ACSS3: variants seen among roughly 807,000 people sequenced by gnomAD.
ACSS3 encodes the protein acyl-CoA synthetase short-chain family member 3, mitochondrial.
A neutral mutation model predicts 84.2 loss-of-function variants in ACSS3; 64 were observed. The observed-to-expected ratio is 0.76, with a 90% CI of 0.62 to 0.94. The LOEUF is 0.94. ACSS3 is among the 40% of genes least tolerant of loss of function. The probability of loss-of-function intolerance (pLI) is 0.00; values close to 1 mark genes in which losing one functional copy is unlikely to be tolerated. For missense variants in ACSS3, 815 were observed against 867.6 expected (o/e 0.94, Z 0.76); for synonymous variants, 317 against 310.1 (o/e 1.02, Z -0.23).
rs1052171380 is a variant in ACSS3 at position 81,143,333 on chromosome 12, A to T, written c.921+86A>T. The stretch of plus-strand genomic sequence containing the variant: ...TTGATCACTGACTGGAAATGTTTGC[A>T]GACTTTACTTTGAAGTTTAGAGAGT... On this transcript the variant is annotated intron_variant, in intron 5 of 15. Coordinates refer to ENST00000548058, the MANE Select transcript of ACSS3 (RefSeq NM_024560.4). The T allele has an allele frequency of 1.2e-5, 16 of 1,336,274 alleles. No individual in the cohort carries two copies. In the African/African-American group the frequency reaches 2.2e-4, roughly 18 times the overall value. The allele number at this position is 1,336,274 out of a possible 1,614,324, so 82.8% of individuals were successfully genotyped here.
At chr12:81,187,781 A>C (rs1178531922) in intron 8 of ACSS3, among the ~76,000 whole-genome samples, 1 of 151,976 alleles carries the variant, frequency 6.6e-6, no homozygotes, top group Non-Finnish European at 1.5e-5. Flanking sequence ...TAGAATAAAA[A>C]TTTTAGTTTA....
chr12:81,210,949 A>T (rs967818502), intron 9 of ACSS3, among the ~76,000 whole-genome samples: 5 of 152,052 alleles, frequency 3.3e-5, no homozygotes, highest in African/African-American at 1.2e-4. Flanking sequence ...ATGGAATTTT[A>T]ATTCATTTTT....
Position 81,253,512 on chromosome 12 carries a change from G to C in ACSS3, c.1837G>C (p.Glu613Gln), listed in dbSNP as rs2034215615. The part of the protein sequence containing the change: ...VLRKDINATE[E>Q]QVLEEIVKHV... ...CTCTCTAGATATAAATGCAACAGAG[G>C]AGCAAGTTTTGGAAGAAATTGTGAA... The change falls in exon 15 of 16, where the codon GAG becomes CAG. Residue 613 changes from glutamate (E) to glutamine (Q), a missense_variant. Physicochemically the swap from Glu to Gln is conservative, Grantham distance 29. Coordinates refer to ENST00000548058, the MANE Select transcript of ACSS3 (RefSeq NM_024560.4). The C allele has an allele frequency of 6.2e-7, 1 of 1,613,818 alleles. No individual in the cohort carries two copies. The highest frequency in any genetic ancestry group is 1.7e-5 in the Admixed American group (1 of 59,956).
intron 11 of ACSS3, among the ~76,000 whole-genome samples, chr12:81,221,513 C>T (rs573481628): frequency 3.9e-5 from 6 of 152,092 alleles, no homozygotes; most frequent in African/African-American, 1.2e-4. Context: ...ATATAGAAAG[C>T]TAATAGAAAG....
In ACSS3 at chr12:81,109,681, AC is replaced by A; in HGVS notation, c.435del (p.Tyr146IlefsTer32). The A allele has an allele frequency of 6.2e-7, 1 of 1,604,020 alleles. No individual in the cohort carries two copies. Among genetic ancestry groups the A allele is most frequent in the Non-Finnish European group, 8.5e-7 (1 of 1,176,300 alleles). Reference sequence around the variant, plus strand: ...TGTTACAAACACTAAAGCAACCTTTACCTATAAAGAAGTTCTGGAGCAGGTA... The same window carrying A: ...TGTTACAAACACTAAAGCAACCTTTACTATAAAGAAGTTCTGGAGCAGGTA... The part of the protein sequence containing the change: ...SPVTNTKATF[T>X]YKEVLEQVSK... On this transcript the variant is annotated frameshift_variant, in exon 2 of 16. Coordinates refer to ENST00000548058, the MANE Select transcript of ACSS3 (RefSeq NM_024560.4). LOFTEE classifies it high-confidence loss of function.
intron 9 of ACSS3, among the ~76,000 whole-genome samples, chr12:81,212,667 C>T (rs543353881): frequency 6.6e-6 from 1 of 152,112 alleles, no homozygotes; most frequent in Non-Finnish European, 1.5e-5. Flanking sequence ...AAGCACTCGA[C>T]TCTTGGTATA....
chr12:81,254,907 G>T lies in ACSS3; in HGVS notation c.2046G>T (p.Met682Ile). ...GCATTTTTGGCCACGTAGAAGAAAT[G>T]CTGAAGCAAGCATAATGAGTTTGTC... ...DPSIFGHVEE[M>I]LKQA Residue 682 changes from methionine (M) to isoleucine (I), a missense_variant, in exon 16 of 16, where the codon ATG becomes ATT. Physicochemically the swap from Met to Ile is conservative, Grantham distance 10 (BLOSUM62 1). Coordinates refer to ENST00000548058, the MANE Select transcript of ACSS3 (RefSeq NM_024560.4). 6.2e-7 allele frequency: 1 copy of T among 1,605,482 alleles called. No individual in the cohort carries two copies. The highest frequency in any genetic ancestry group is 2.3e-5 in the East Asian group (1 of 44,398).
chr12:81,090,067 G>A (rs890341131), intron 1 of ACSS3, among the ~76,000 whole-genome samples: 1 of 151,974 alleles, frequency 6.6e-6, no homozygotes, highest in African/African-American at 2.4e-5. Flanking sequence ...TCTTAAAAAT[G>A]TTAATCGGGA....
chr12:81,176,197 C>A (rs2030464800), intron 8 of ACSS3, among the ~76,000 whole-genome samples: 3 of 152,038 alleles, frequency 2.0e-5, no homozygotes, highest in Non-Finnish European at 2.9e-5. Flanking sequence ...TGTAAAAAAT[C>A]CTGAGACAAT....
In ACSS3 at chr12:81,212,241, A is replaced by T. The variant is rs543875116; in HGVS notation, c.1355-4660A>T. 3.3e-5 allele frequency among the ~76,000 whole-genome samples: 5 copies of T among 152,326 alleles called. No homozygotes were observed. In the East Asian group the frequency reaches 7.7e-4, roughly 23 times the overall value. On this transcript the variant is annotated intron_variant, in intron 9 of 15. Coordinates refer to ENST00000548058, the MANE Select transcript of ACSS3 (RefSeq NM_024560.4). ...CCCAGTTAGAAATTGGGAGGTCTCC[A>T]TGCGGGTAGAAATTTTGGCTACTTT...
intron 9 of ACSS3, among the ~76,000 whole-genome samples, chr12:81,215,924 T>C (rs2032895457): frequency 6.6e-6 from 1 of 152,140 alleles, no homozygotes; most frequent in Non-Finnish European, 1.5e-5. Context: ...CATTGCAGGC[T>C]AGTTGTGAGA....
chr12:81,214,134 T>C (rs1593205800), intron 9 of ACSS3, among the ~76,000 whole-genome samples: 1 of 151,648 alleles, frequency 6.6e-6, no homozygotes, highest in Non-Finnish European at 1.5e-5. Flanking sequence ...CAAGCAATTC[T>C]CCTGCCTCAG....
chr12:81,155,643 A>G (rs1401897218), intron 7 of ACSS3, among the ~76,000 whole-genome samples: 2 of 152,170 alleles, frequency 1.3e-5, no homozygotes, highest in African/African-American at 2.4e-5. Flanking sequence ...TGTTGAATCT[A>G]CTTATTCAGT....
chr12:81,234,378 T>G (rs2033562938), intron 13 of ACSS3, among the ~76,000 whole-genome samples: 2 of 151,416 alleles, frequency 1.3e-5, no homozygotes, highest in South Asian at 4.1e-4. Context: ...CAGGTGTTTG[T>G]GTAAAAAAAT....
chr12:81,190,823 CT>C (rs1453258006), intron 8 of ACSS3, among the ~76,000 whole-genome samples: 1 of 151,952 alleles, frequency 6.6e-6, no homozygotes, highest in African/African-American at 2.4e-5. Flanking sequence ...TATGTTTTTT[CT>C]TCATCTTCTG....
chr12:81,145,028 G>C (rs1358045772), intron 5 of ACSS3, among the ~76,000 whole-genome samples: 1 of 146,756 alleles, frequency 6.8e-6, no homozygotes, highest in Admixed American at 6.8e-5. Flanking sequence ...AGCCCCCCGA[G>C]TAGCTGGGAC....
Position 81,254,897 on chromosome 12 carries a change from T to C in ACSS3, c.2036T>C (p.Val679Ala), listed in dbSNP as rs1281040166. The change falls in exon 16 of 16, where the codon GTA (valine) becomes GCA (alanine). Residue 679 changes from valine (V) to alanine (A), a missense_variant. Val to Ala is a moderately conservative substitution (Grantham distance 64, BLOSUM62 0). Coordinates refer to ENST00000548058, the MANE Select transcript of ACSS3 (RefSeq NM_024560.4). The stretch of plus-strand genomic sequence containing the variant: ...GAAGACCCCAGCATTTTTGGCCACG[T>C]AGAAGAAATGCTGAAGCAAGCATAA... The part of the protein sequence containing the change: ...TIEDPSIFGH[V>A]EEMLKQA 1.2e-6 allele frequency: 2 copies of C among 1,608,282 alleles called. No homozygotes were observed. Among genetic ancestry groups the C allele is most frequent in the Admixed American group, 1.7e-5 (1 of 59,382 alleles).
chr12:81,130,637 T>A (rs1403772399), intron 2 of ACSS3, among the ~76,000 whole-genome samples: 3 of 152,174 alleles, frequency 2.0e-5, no homozygotes, highest in African/African-American at 7.2e-5. Flanking sequence ...TTTAATTAGA[T>A]CCCATTTGTC....
intron 13 of ACSS3, among the ~76,000 whole-genome samples, chr12:81,247,231 A>T (rs2034010514): frequency 6.6e-6 from 1 of 152,234 alleles, no homozygotes; most frequent in East Asian, 1.9e-4. Context: ...CTTCTAAGAG[A>T]TTACTTCCAA....
Sources: gnomAD v4.1 joint callset for allele counts (sites outside exome capture counted in the v4.1 genomes callset) on GRCh38, gnomAD v4.1.1 for gene constraint, MANE v1.5 for transcripts, NCBI Gene and HGNC (gene_info 2026-07-23, HGNC 2026-07-21) for gene names.